Variants in LRRC4C observed in about 807,000 individuals in gnomAD.
The protein encoded by LRRC4C is leucine-rich repeat-containing protein 4C.
In LRRC4C, 5 loss-of-function variants were observed where a neutral mutation model predicts 33.6. The observed-to-expected ratio is 0.15, with a 90% CI of 0.08 to 0.31. The LOEUF is 0.31. Ranked by LOEUF, LRRC4C falls within the 10% of genes least tolerant of loss-of-function variation. The probability of loss-of-function intolerance (pLI) is 1.00; values close to 1 mark genes in which losing one functional copy is unlikely to be tolerated. For synonymous variants in LRRC4C, 329 were observed against 302.0 expected (o/e 1.09, Z -0.93); for missense variants, 560 against 796.7 (o/e 0.70, Z 3.58).
Position 40,114,422 on chromosome 11 carries a change from G to A in LRRC4C, c.1871C>T (p.Pro624Leu). The change falls in exon 7 of 7, where the codon CCG becomes CTG. Residue 624 changes from proline to leucine, a missense_variant. By Grantham distance (98) the Pro-to-Leu change is moderately conservative. Around this residue, in one of 3 missense-constraint regions of LRRC4C, gnomAD observed 103 missense variants for 132.1 expected, o/e 0.78. Transcript: ENST00000528697. Reference protein sequence around the residue: ...INSIHSSVHEPLLIRMNSKDN... With the variant: ...INSIHSSVHELLLIRMNSKDN... ...TTTAGAGTTCATTCGGATCAATAACGGTTCATGCACTGAACTGTGTATTGA... is the reference window on the plus strand; with the variant it reads ...TTTAGAGTTCATTCGGATCAATAACAGTTCATGCACTGAACTGTGTATTGA... 4 of 1,613,826 alleles carry A rather than the reference G, an allele frequency of 2.5e-6. No individual in the cohort carries two copies. The highest frequency in any genetic ancestry group is 3.4e-6 in the Non-Finnish European group (4 of 1,179,914).
intron 1 of LRRC4C, among the ~76,000 whole-genome samples, chr11:41,281,424 T>C (rs1949675634): frequency 6.6e-6 from 1 of 152,156 alleles, no homozygotes. Flanking sequence ...GCGCTCAGTC[T>C]TCCGTTAGAA....
At chr11:40,207,281 G>A (rs745381697) in intron 5 of LRRC4C, among the ~76,000 whole-genome samples, 15 of 152,224 alleles carry the variant, frequency 9.9e-5, no homozygotes, top group Middle Eastern at 3.4e-3. Flanking sequence ...GTGGAAAATT[G>A]TGAATCGGAC....
intron 3 of LRRC4C, among the ~76,000 whole-genome samples, chr11:40,335,537 A>G (rs771853590): frequency 1.3e-5 from 2 of 152,232 alleles, no homozygotes; most frequent in Non-Finnish European, 2.9e-5. Flanking sequence ...TGAAAAATGT[A>G]TTATGTGATT....
intron 1 of LRRC4C, among the ~76,000 whole-genome samples, chr11:41,005,710 A>G (rs1017146700): frequency 1.3e-5 from 2 of 152,116 alleles, no homozygotes; most frequent in Non-Finnish European, 2.9e-5. Flanking sequence ...GCCTCCTGCC[A>G]TTATTGCAAG....
chr11:40,961,756 ACAAAAT>A, intron 1 of LRRC4C, among the ~76,000 whole-genome samples: 1 of 151,770 alleles, frequency 6.6e-6, no homozygotes, highest in Middle Eastern at 3.4e-3. Flanking sequence ...CCTTAGAACA[ACAAAAT>A]CAAAAAATCT....
Position 40,328,660 on chromosome 11 carries a change from T to C in LRRC4C, c.-269-8939A>G, listed in dbSNP as rs1206729991. The stretch of plus-strand genomic sequence containing the variant: ...AGGATTTATGAGCAGGTTTAAAAAT[T>C]AGTAATCTCACAAGTACTTGAGTGG... On this transcript the variant is annotated intron_variant, in intron 3 of 6. Transcript: ENST00000528697. Among the ~76,000 whole-genome samples the C allele has an allele frequency of 1.3e-5, 2 of 152,232 alleles. 1 individual carries two copies. Among genetic ancestry groups the C allele is most frequent in the East Asian group, 3.8e-4 (2 of 5,196 alleles).
intron 2 of LRRC4C, among the ~76,000 whole-genome samples, chr11:40,917,772 C>G (rs972173514): frequency 9.9e-5 from 15 of 152,030 alleles, no homozygotes; most frequent in Non-Finnish European, 1.3e-4. Flanking sequence ...AAGAGGCCAC[C>G]ATTTACATAA....
intron 3 of LRRC4C, among the ~76,000 whole-genome samples, chr11:40,526,706 G>A (rs1005932274): frequency 2.0e-5 from 3 of 152,034 alleles, no homozygotes; most frequent in African/African-American, 4.8e-5. Context: ...CTATTAGATG[G>A]CATAGGTATG....
At chr11:40,929,054 A>C (rs1957504616) in intron 2 of LRRC4C, among the ~76,000 whole-genome samples, 1 of 152,202 alleles carries the variant, frequency 6.6e-6, no homozygotes, top group Non-Finnish European at 1.5e-5. Flanking sequence ...TAATTTGTAT[A>C]ATTAAATAAG....
intron 2 of LRRC4C, among the ~76,000 whole-genome samples, chr11:40,849,026 A>G (rs2135724493): frequency 6.6e-6 from 1 of 152,012 alleles, no homozygotes; most frequent in East Asian, 1.9e-4. Context: ...CTTTATTTTG[A>G]GCATATTGTG....
At chr11:40,300,143 C>T (rs1318142664) in intron 4 of LRRC4C, among the ~76,000 whole-genome samples, 2 of 151,960 alleles carry the variant, frequency 1.3e-5, no homozygotes, top group Non-Finnish European at 2.9e-5. Context: ...TTTTAAATGA[C>T]AAGATTTCAC....
chr11:40,588,752 AG>A (rs1212752231), intron 3 of LRRC4C, among the ~76,000 whole-genome samples: 1 of 152,158 alleles, frequency 6.6e-6, no homozygotes, highest in Non-Finnish European at 1.5e-5. Flanking sequence ...GTCGTTCAGG[AG>A]CAGGTTGTTC....
chr11:40,524,365 C>A (rs969341571), intron 3 of LRRC4C, among the ~76,000 whole-genome samples: 33 of 152,228 alleles, frequency 2.2e-4, no homozygotes, highest in African/African-American at 7.7e-4. Flanking sequence ...AGTTACTTTT[C>A]TACACAAATT....
intron 3 of LRRC4C, among the ~76,000 whole-genome samples, chr11:40,435,624 G>A (rs1469567807): frequency 6.6e-6 from 1 of 152,194 alleles, no homozygotes; most frequent in Non-Finnish European, 1.5e-5. Context: ...GGAATTCTGA[G>A]TAGAGAAGGC....
At chr11:41,169,550 C>A (rs1246043786) in intron 1 of LRRC4C, among the ~76,000 whole-genome samples, 3 of 152,126 alleles carry the variant, frequency 2.0e-5, no homozygotes, top group Non-Finnish European at 4.4e-5. Context: ...CCAAGCCAGA[C>A]TCTCCAATTA....
chr11:40,379,488 C>T (rs1394386399), intron 3 of LRRC4C, among the ~76,000 whole-genome samples: 1 of 152,038 alleles, frequency 6.6e-6, no homozygotes, highest in Non-Finnish European at 1.5e-5. Flanking sequence ...AACCTAAAGA[C>T]TAAATTCAGA....
intron 5 of LRRC4C, among the ~76,000 whole-genome samples, chr11:40,185,152 C>T (rs1861305728): frequency 6.6e-6 from 1 of 152,170 alleles, no homozygotes; most frequent in Non-Finnish European, 1.5e-5. Context: ...GTTAAGCTAA[C>T]TGCACTTAGC....
intron 1 of LRRC4C, among the ~76,000 whole-genome samples, chr11:40,962,145 C>T (rs147790884): frequency 1.3e-4 from 20 of 151,504 alleles, no homozygotes; most frequent in African/African-American, 4.6e-4. Flanking sequence ...ATTAAGATAA[C>T]AAGGGCACCC....
chr11:40,554,967 C>G (rs987061665), intron 3 of LRRC4C, among the ~76,000 whole-genome samples: 1 of 143,106 alleles, frequency 7.0e-6, no homozygotes, highest in Non-Finnish European at 1.5e-5. Context: ...GTGATCCGCC[C>G]GCCTCGGCCT....
Sources: gnomAD v4.1 joint callset for allele counts (sites outside exome capture counted in the v4.1 genomes callset) on GRCh38, gnomAD v4.1.1 for gene constraint, gnomAD v4.1.1 regional missense constraint, MANE v1.5 for transcripts, NCBI Gene and HGNC (gene_info 2026-07-23, HGNC 2026-07-21) for gene names.